The following PLEKHD1 variants were observed in gnomAD, a reference collection of about 807,000 sequenced individuals.
The protein encoded by PLEKHD1 is pleckstrin homology and coiled-coil domain containing D1, also known as pleckstrin homology domain-containing family D member 1.
In PLEKHD1, 51 loss-of-function variants were observed where a neutral mutation model predicts 69.2. That is an observed-to-expected ratio of 0.74 (90% CI 0.59 to 0.93). The LOEUF is 0.93. Among genes scored for constraint, PLEKHD1 ranks in the 40% least tolerant of loss-of-function variants. The probability of loss-of-function intolerance (pLI) is 0.00; values close to 1 mark genes in which losing one functional copy is unlikely to be tolerated. For missense variants in PLEKHD1, 584 were observed against 641.0 expected (o/e 0.91, Z 0.96); for synonymous variants, 236 against 244.7 (o/e 0.96, Z 0.33).
In PLEKHD1 at chr14:69,511,921, G is replaced by A. The variant is rs187360973; in HGVS notation, c.555+9042G>A. ...AATTCTAGCCTCATTGAATGGATTA[G>A]GAAATATTCCCTTGGCTTCTATCTT... On this transcript the variant is annotated intron_variant, in intron 6 of 12. Transcript: ENST00000322564. Among the ~76,000 whole-genome samples, 26 of 152,238 alleles carry A rather than the reference G, an allele frequency of 1.7e-4. No individual in the cohort carries two copies. In the East Asian group the frequency reaches 4.6e-3, roughly 27 times the overall value.
At position 69,500,221 on chromosome 14, in the gene PLEKHD1, C is replaced by A. The variant is rs936645109; in HGVS notation, c.243+13C>A. On this transcript the variant is annotated intron_variant, in intron 2 of 12. Coordinates refer to ENST00000322564, the MANE Select transcript of PLEKHD1 (RefSeq NM_001161498.2). The stretch of plus-strand genomic sequence containing the variant: ...TATACATCCTAAGGTGAGGCGGCCC[C>A]TCCCAGGGCCACAGCAGGGGAGGGC... 12 of 1,524,158 alleles carry A rather than the reference C, an allele frequency of 7.9e-6. No individual in the cohort carries two copies. Among genetic ancestry groups the A allele is most frequent in the Admixed American group, 5.9e-5 (3 of 50,826 alleles). 94.4% of individuals were successfully genotyped at this position (1,524,158 alleles called of 1,614,324 possible).
At chr14:69,497,058 C>T (rs953245508) in intron 1 of PLEKHD1, among the ~76,000 whole-genome samples, 1 of 152,146 alleles carries the variant, frequency 6.6e-6, no homozygotes, top group Admixed American at 6.5e-5. Context: ...GCCCTGGAGA[C>T]AGTCGTGTGC....
In PLEKHD1 at chr14:69,526,121, C is replaced by T. The variant is rs202048326; in HGVS notation, c.922C>T (p.Arg308Trp). 762 of 1,548,418 alleles carry T rather than the reference C, an allele frequency of 4.9e-4. No individual in the cohort carries two copies. The highest frequency in any genetic ancestry group is 6.5e-4 in the Non-Finnish European group (743 of 1,146,004). ...AGAGGAGAAGCTCCTGGCAGAGAAG[C>T]GGTGAGGGAGCCCCGACCCCTGAAG... Reference protein sequence around the residue: ...LLEEKLLAEKRMKENEERSRA... With the variant: ...LLEEKLLAEKWMKENEERSRA... The change falls in exon 9 of 13, where the codon CGG becomes TGG. Residue 308 changes from arginine to tryptophan, a missense_variant and splice_region_variant. Coordinates refer to ENST00000322564, the MANE Select transcript of PLEKHD1 (RefSeq NM_001161498.2).
chr14:69,496,701 A>AT (rs1381551018), intron 1 of PLEKHD1, among the ~76,000 whole-genome samples: 3 of 102,424 alleles, frequency 2.9e-5, no homozygotes, highest in African/African-American at 1.4e-4. Context: ...ATGCCCAGCT[A>AT]ATTTTTTTTT....
At position 69,528,537 on chromosome 14, in the gene PLEKHD1, C is replaced by T. The variant is rs916971028; in HGVS notation, c.*118C>T. ...CCTCTCTGGTCTGGAGCCTATGTCT[C>T]CTCTGGGCCGGAGCTCCACTTGGGG... On this transcript the variant is annotated 3_prime_UTR_variant, in exon 13 of 13. Transcript: ENST00000322564. The T allele has an allele frequency of 2.6e-5, 35 of 1,331,714 alleles. No individual in the cohort carries two copies. The Admixed American group carries it at 5.9e-4, about 23-fold the overall frequency. The allele number at this position is 1,331,714 out of a possible 1,614,324, so 82.5% of individuals were successfully genotyped here. A position where few individuals can be genotyped will look rare whatever the true frequency, so the allele number is the denominator to read the frequency against.
In PLEKHD1 at chr14:69,522,267, T is replaced by C; in HGVS notation, c.556-16T>C. 1 of 1,550,820 alleles carries C rather than the reference T, an allele frequency of 6.4e-7. No individual in the cohort carries two copies. Among genetic ancestry groups the C allele is most frequent in the East Asian group, 2.4e-5 (1 of 40,888 alleles). On this transcript the variant is annotated splice_polypyrimidine_tract_variant and intron_variant, in intron 6 of 12. Transcript: ENST00000322564. ...TTGCTGCCTGTGACTCTTCTCTTCC[T>C]CTCTGGTCTCTTCAGGAGCTTGAGC...
At chr14:69,518,421 C>T (rs188260674) in intron 6 of PLEKHD1, among the ~76,000 whole-genome samples, 6 of 152,110 alleles carry the variant, frequency 3.9e-5, no homozygotes, top group Non-Finnish European at 5.9e-5. Context: ...TTCATATCCT[C>T]AGTGCATAGC....
Position 69,527,906 on chromosome 14 carries a change from G to T in PLEKHD1, c.1325G>T (p.Arg442Leu), listed in dbSNP as rs767592717. 19 of 1,551,548 alleles carry T rather than the reference G, an allele frequency of 1.2e-5. No homozygotes were observed. The South Asian group carries it at 2.1e-4, about 17-fold the overall frequency. Residue 442 changes from arginine (R) to leucine (L), a missense_variant, in exon 12 of 13, where the codon CGC becomes CTC. By Grantham distance (102) the Arg-to-Leu change is moderately radical. Transcript: ENST00000322564. Reference protein sequence around the residue: ...RRIKSCRFHRRRSSTSWNDMK... With the variant: ...RRIKSCRFHRLRSSTSWNDMK... ...ATCAAGAGCTGCCGCTTCCACCGAC[G>T]CCGGTCCAGCACCTCCTGGAATGAC...
chr14:69,480,834 G>T (rs1882528543), upstream of PLEKHD1, among the ~76,000 whole-genome samples: 2 of 152,136 alleles, frequency 1.3e-5, no homozygotes. Context: ...TGTATTTTCA[G>T]CAGAGATGGA....
intron 1 of PLEKHD1, among the ~76,000 whole-genome samples, chr14:69,489,582 G>A (rs1017306427): frequency 7.9e-4 from 73 of 91,854 alleles, no homozygotes; most frequent in South Asian, 1.6e-3. Flanking sequence ...AAAAAAAAAA[G>A]GAAAAAAAAA....
chr14:69,488,034 C>G (rs914515008), intron 1 of PLEKHD1, among the ~76,000 whole-genome samples: 2 of 152,314 alleles, frequency 1.3e-5, no homozygotes, highest in Non-Finnish European at 2.9e-5. Flanking sequence ...TAATCCTCCT[C>G]ACCCCTTCTC....
chr14:69,471,587 A>G, the PLEKHD1 span, among the ~76,000 whole-genome samples: 1 of 152,166 alleles, frequency 6.6e-6, no homozygotes, highest in African/African-American at 2.4e-5. Context: ...GACAAACTGT[A>G]CTACCTTGAA....
intron 6 of PLEKHD1, among the ~76,000 whole-genome samples, chr14:69,516,132 C>CT (rs1018464959): frequency 6.6e-6 from 1 of 152,192 alleles, no homozygotes; most frequent in Admixed American, 6.5e-5. Context: ...CCTTGTTCAG[C>CT]TTTTTACTTA....
intron 9 of PLEKHD1, 110 bp downstream of exon 9, chr14:69,526,232 T>C: frequency 8.8e-7 from 1 of 1,140,692 alleles, no homozygotes; most frequent in Admixed American, 3.0e-5. Flanking sequence ...CAAGTAGGAC[T>C]CACTCACTTC....
chr14:69,502,730 G>A lies in PLEKHD1; in HGVS notation c.503-97G>A, dbSNP rs1242688785. On this transcript the variant is annotated intron_variant, in intron 5 of 12. Transcript: ENST00000322564. ...CAGGCCCCTTCCTTGGGAGATGCTG[G>A]GGGTGACAGCGACCACCTCAGGCAC... 2.7e-6 allele frequency: 4 copies of A among 1,472,752 alleles called. No homozygotes were observed. The African/African-American group carries it at 4.2e-5, about 15-fold the overall frequency. 91.2% of individuals were successfully genotyped at this position (1,472,752 alleles called of 1,614,324 possible). A position where few individuals can be genotyped will look rare whatever the true frequency, so the allele number is the denominator to read the frequency against.
intron 1 of PLEKHD1, among the ~76,000 whole-genome samples, chr14:69,494,592 C>T (rs1166215023): frequency 6.6e-6 from 1 of 152,212 alleles, no homozygotes; most frequent in Non-Finnish European, 1.5e-5. Context: ...CATGTGGAAC[C>T]CTTAGCACAG....
Position 69,501,842 on chromosome 14 carries a change from G to T in PLEKHD1, c.502+17G>T. ...AGTATTTAGGTTGGCTGGAGGGGTG[G>T]TTCCCTAATGGTAGCAGCACTTGGG... On this transcript the variant is annotated intron_variant, in intron 5 of 12. Transcript: ENST00000322564. 6.5e-7 allele frequency: 1 copy of T among 1,538,732 alleles called. No individual in the cohort carries two copies. Among genetic ancestry groups the T allele is most frequent in the South Asian group, 1.2e-5 (1 of 83,568 alleles).
chr14:69,495,689 G>A (rs545814991), intron 1 of PLEKHD1, among the ~76,000 whole-genome samples: 5 of 152,230 alleles, frequency 3.3e-5, no homozygotes, highest in Admixed American at 1.3e-4. Flanking sequence ...CAGTTCCCTC[G>A]AGAGCTAGGC....
intron 6 of PLEKHD1, among the ~76,000 whole-genome samples, chr14:69,511,693 G>T (rs1883275374): frequency 6.6e-6 from 1 of 152,016 alleles, no homozygotes; most frequent in African/African-American, 2.4e-5. Flanking sequence ...GGGATTACAG[G>T]TGTGCGCCAC....
Sources: gnomAD v4.1 joint callset for allele counts (sites outside exome capture counted in the v4.1 genomes callset) on GRCh38, gnomAD v4.1.1 for gene constraint, MANE v1.5 for transcripts, NCBI Gene and HGNC (gene_info 2026-07-23, HGNC 2026-07-21) for gene names.